The following CERKL variants were observed in gnomAD, a reference collection of about 807,000 sequenced individuals.
CERKL encodes the protein CERK like autophagy regulator, also known as ceramide kinase-like protein.
Under a neutral mutation model 63.4 loss-of-function variants are expected in CERKL, and 61 were observed. That is an observed-to-expected ratio of 0.96 (90% CI 0.78 to 1.19). The LOEUF (loss-of-function observed/expected upper bound fraction) is 1.19, where lower values mean the gene tolerates loss of function less well. Among genes scored for constraint, CERKL ranks in the 50% most tolerant of loss-of-function variants. The pLI is 0.00. For synonymous variants in CERKL, 250 were observed against 230.5 expected, an observed-to-expected ratio of 1.08 and a Z score of -0.77; for missense variants, 675 against 655.5, an observed-to-expected ratio of 1.03 and a Z score of -0.33.
intron 4 of CERKL, among the ~76,000 whole-genome samples, chr2:181,559,713 T>C (rs1197902691): frequency 6.6e-6 from 1 of 152,216 alleles, no homozygotes; most frequent in South Asian, 2.1e-4. Flanking sequence ...CAAACAAAAC[T>C]GTCTATGGGC....
At position 181,603,888 on chromosome 2, in the gene CERKL, T is replaced by C; in HGVS notation, c.430A>G (p.Ser144Gly). 1 of 1,613,308 alleles carries C rather than the reference T, an allele frequency of 6.2e-7. No individual in the cohort carries two copies. The highest frequency in any genetic ancestry group is 1.1e-5 in the South Asian group (1 of 91,050). ...AACCATATGTCACAGTGGTCTTCACTTAAATTAATAAGATCAAGTGTAGAA... is the reference window on the plus strand; with the variant it reads ...AACCATATGTCACAGTGGTCTTCACCTAAATTAATAAGATCAAGTGTAGAA... ...KNSTLDLINL[S>G]EDHCDIWFRQ... Residue 144 changes from serine (S) to glycine (G), a missense_variant, in exon 2 of 13, where the codon AGT (serine) becomes GGT (glycine). By Grantham distance (56) the Ser-to-Gly change is moderately conservative. Coordinates refer to ENST00000410087, the MANE Select transcript of CERKL (RefSeq NM_201548.5).
Position 181,558,703 on chromosome 2 carries a change from A to G in CERKL, c.683T>C (p.Val228Ala). 6.2e-7 allele frequency: 1 copy of G among 1,613,568 alleles called. No individual in the cohort carries two copies. The highest frequency in any genetic ancestry group is 8.5e-7 in the Non-Finnish European group (1 of 1,179,728). Residue 228 changes from valine to alanine, a missense_variant, in exon 5 of 13, where the codon GTC (valine) becomes GCC (alanine). Transcript: ENST00000410087. The surrounding 1 kb of genome is among the most constrained non-coding windows in gnomAD (Gnocchi z 4.2). The part of the protein sequence containing the change: ...ECELQGFDGV[V>A]CVGGDGSASE... ...AGCAGATCCATCTCCACCAACACAG[A>G]CAACACTAGAAAAATACAAATCAAG...
At position 181,539,097 on chromosome 2, in the gene CERKL, A is replaced by G. The variant is rs1194183386; in HGVS notation, c.1533T>C (p.His511=). The part of the protein sequence containing the change: ...GDLMEVASEV[H]IRLHPRLISL... ...GGTGAAATAAATAGACTTACCTAAT[A>G]TGGACCTCTGATGCAACTTCCATTA... The change falls in exon 12 of 13, where the codon CAT becomes CAC. Residue 511 remains histidine (H), a synonymous_variant. Transcript: ENST00000410087. The G allele has an allele frequency of 1.9e-6, 3 of 1,596,710 alleles. No homozygotes were observed. The highest frequency in any genetic ancestry group is 2.2e-5 in the South Asian group (2 of 90,682).
Position 181,537,620 on chromosome 2 carries a change from A to ATTGATGAGCTCAAAT in CERKL, c.*549_*563dup. 2.3e-6 allele frequency: 1 copy of ATTGATGAGCTCAAAT among 432,204 alleles called. No homozygotes were observed. The highest frequency in any genetic ancestry group is 7.7e-4 in the Middle Eastern group (1 of 1,302). The allele number at this position is 432,204 out of a possible 1,614,324, so 26.8% of individuals were successfully genotyped here. ...AACAGAATATAGGAAATTTAACATAATTGATGAGCTCAAATCCTGAAAAAT... is the reference window on the plus strand; with the variant it reads ...AACAGAATATAGGAAATTTAACATAATTGATGAGCTCAAATTTGATGAGCTCAAATCCTGAAAAAT... On this transcript the variant is annotated 3_prime_UTR_variant, in exon 13 of 13. Coordinates refer to ENST00000410087, the MANE Select transcript of CERKL (RefSeq NM_201548.5).
chr2:181,592,054 T>G (rs1685010987), intron 2 of CERKL, among the ~76,000 whole-genome samples: 1 of 152,136 alleles, frequency 6.6e-6, no homozygotes, highest in African/African-American at 2.4e-5. Context: ...TTAAAATGTC[T>G]TCACCTCTAT....
At chr2:181,569,768 A>G (rs1187766899) in intron 3 of CERKL, among the ~76,000 whole-genome samples, 2 of 152,194 alleles carry the variant, frequency 1.3e-5, no homozygotes, top group Admixed American at 6.6e-5. Flanking sequence ...GGCAGACAGG[A>G]TATCTCTCTT....
Position 181,618,457 on chromosome 2 carries a change from C to T in CERKL, c.239-14378G>A, listed in dbSNP as rs1323542465. ...TTTGAGACAGAGTCTCACTCTGTTGCCCAGGCTAGAGTCCAGTGGCGCAAT... is the reference window on the plus strand; with the variant it reads ...TTTGAGACAGAGTCTCACTCTGTTGTCCAGGCTAGAGTCCAGTGGCGCAAT... On this transcript the variant is annotated intron_variant, in intron 1 of 12. Coordinates refer to ENST00000410087, the MANE Select transcript of CERKL (RefSeq NM_201548.5). Among the ~76,000 whole-genome samples the T allele has an allele frequency of 2.0e-5, 3 of 151,502 alleles. No individual in the cohort carries two copies. The East Asian group carries it at 5.8e-4, about 29-fold the overall frequency.
intron 2 of CERKL, among the ~76,000 whole-genome samples, chr2:181,596,052 G>A (rs147729433): frequency 2.9e-4 from 44 of 152,222 alleles, no homozygotes; most frequent in African/African-American, 1.0e-3. Context: ...AATGTTTAGA[G>A]AATCTTCAAT....
At chr2:181,611,752 T>A (rs984149353) in intron 1 of CERKL, among the ~76,000 whole-genome samples, 2 of 152,158 alleles carry the variant, frequency 1.3e-5, no homozygotes, top group African/African-American at 4.8e-5. Context: ...TCCATTACTG[T>A]TTTGTATATA....
At chr2:181,610,577 C>G (rs1413961411) in intron 1 of CERKL, among the ~76,000 whole-genome samples, 2 of 152,176 alleles carry the variant, frequency 1.3e-5, no homozygotes, top group Non-Finnish European at 2.9e-5. Flanking sequence ...TCTCTGTATT[C>G]TGGTCTGGAA....
chr2:181,633,628 A>C (rs192824889), intron 1 of CERKL, among the ~76,000 whole-genome samples: 31 of 152,362 alleles, frequency 2.0e-4, no homozygotes, highest in African/African-American at 7.5e-4. Flanking sequence ...GCTGTCTTTA[A>C]AAATGCAAGA....
chr2:181,604,921 T>C (rs1685615545), intron 1 of CERKL, among the ~76,000 whole-genome samples: 1 of 151,844 alleles, frequency 6.6e-6, no homozygotes, highest in Non-Finnish European at 1.5e-5. Flanking sequence ...GGTCAGAAAA[T>C]AATTATTGTG....
At chr2:181,643,945 T>A (rs1687559027) in intron 1 of CERKL, among the ~76,000 whole-genome samples, 1 of 152,216 alleles carries the variant, frequency 6.6e-6, no homozygotes, top group East Asian at 1.9e-4. Context: ...TAATCGAACA[T>A]TTCAAATAAA....
At chr2:181,625,904 T>C (rs1686681040) in intron 1 of CERKL, among the ~76,000 whole-genome samples, 1 of 152,232 alleles carries the variant, frequency 6.6e-6, no homozygotes, top group African/African-American at 2.4e-5. Context: ...CTTTCATGCC[T>C]AAAACGCTAT....
chr2:181,548,462 T>A (rs538641324), intron 8 of CERKL, 83 bp downstream of exon 8: 2 of 1,039,726 alleles, frequency 1.9e-6, no homozygotes, highest in East Asian at 2.5e-5. Context: ...TAACCAAAGA[T>A]CCTAAGTCTG....
At chr2:181,560,764 A>G (rs1398498960) in intron 4 of CERKL, among the ~76,000 whole-genome samples, 2 of 152,152 alleles carry the variant, frequency 1.3e-5, no homozygotes, top group Admixed American at 1.3e-4. Context: ...TACCTTTTCT[A>G]TATATGAAAC....
chr2:181,656,694 G>T (rs1222804632), intron 1 of CERKL, 75 bp downstream of exon 1: 3 of 1,254,648 alleles, frequency 2.4e-6, no homozygotes, highest in Non-Finnish European at 3.3e-6. Flanking sequence ...GCAAAAGCTC[G>T]TGGGTGTAGG....
At chr2:181,548,310 G>A (rs137944712) in intron 8 of CERKL, 49 of 552,746 alleles carry the variant, frequency 8.9e-5, no homozygotes, top group Middle Eastern at 9.3e-4. Context: ...AAAAGAGAAC[G>A]GAAGGAGGGA....
At chr2:181,621,399 G>A (rs945115395) in intron 1 of CERKL, among the ~76,000 whole-genome samples, 6 of 152,238 alleles carry the variant, frequency 3.9e-5, no homozygotes, top group South Asian at 2.1e-4. Flanking sequence ...ACCCTACAAC[G>A]TATTTGAAGT....
Sources: allele counts gnomAD v4.1 joint callset (sites outside exome capture counted in the v4.1 genomes callset), GRCh38; gene constraint gnomAD v4.1.1; non-coding constraint Gnocchi (gnomAD v3.1); transcripts MANE v1.5; gene names NCBI Gene and HGNC (gene_info 2026-07-23, HGNC 2026-07-21).